The following PPAT variants were observed in gnomAD, a reference collection of about 807,000 sequenced individuals.
The protein encoded by PPAT is amidophosphoribosyltransferase.
PPAT carries 20 observed loss-of-function variants against 60.2 expected under a neutral mutation model. The ratio of observed to expected loss-of-function variants is 0.33; its 90% CI spans 0.23 to 0.48. PPAT has a LOEUF of 0.48. Among genes scored for constraint, PPAT ranks in the 20% least tolerant of loss-of-function variants. PPAT has a pLI of 0.99. For synonymous variants in PPAT, 194 were observed against 215.1 expected (o/e 0.90, Z 0.86); for missense variants, 349 against 629.6 (o/e 0.55, Z 4.77).
intron 1 of PPAT, among the ~76,000 whole-genome samples, chr4:56,419,231 T>C (rs879915793): frequency 5.3e-5 from 8 of 152,208 alleles, no homozygotes; most frequent in Non-Finnish European, 7.3e-5. Context: ...TCAAAACAAA[T>C]TATCTACAAT....
chr4:56,399,513 C>G (rs1324569201), intron 8 of PPAT, 113 bp from the exon 9 acceptor site: 3 of 901,750 alleles, frequency 3.3e-6, no homozygotes, highest in Non-Finnish European at 4.9e-6. Flanking sequence ...AATAATTTTC[C>G]TTTATTATTT....
At chr4:56,421,326 GTT>G (rs750650026) in intron 1 of PPAT, 1 of 155,024 alleles carries the variant, frequency 6.5e-6, no homozygotes, top group East Asian at 1.9e-4. Context: ...ATGGTGAGTT[GTT>G]TAATTATTTC....
At chr4:56,417,124 C>T (rs1442316734) in intron 1 of PPAT, among the ~76,000 whole-genome samples, 6 of 152,336 alleles carry the variant, frequency 3.9e-5, no homozygotes, top group Middle Eastern at 6.8e-3. Context: ...GCTGGGATTA[C>T]AGGCGTGAGC....
intron 1 of PPAT, among the ~76,000 whole-genome samples, chr4:56,412,355 C>A (rs570103059): frequency 6.6e-6 from 1 of 151,026 alleles, no homozygotes; most frequent in African/African-American, 2.4e-5. Context: ...GTCACCCAAG[C>A]TGAAGTGCAG....
At chr4:56,406,451 T>G (rs772990372) in intron 3 of PPAT, 44 bp downstream of exon 3, 2 of 1,563,354 alleles carry the variant, frequency 1.3e-6, no homozygotes, top group Non-Finnish European at 1.8e-6. Flanking sequence ...TAACCCATCC[T>G]AATCATTTAA....
chr4:56,405,681 G>A (rs570471564), intron 3 of PPAT, among the ~76,000 whole-genome samples: 2 of 152,338 alleles, frequency 1.3e-5, no homozygotes, highest in South Asian at 4.1e-4. Context: ...GGAGGGTGGT[G>A]CCCCTGGAAA....
At chr4:56,418,218 AC>A (rs1245923283) in intron 1 of PPAT, among the ~76,000 whole-genome samples, 2 of 152,154 alleles carry the variant, frequency 1.3e-5, no homozygotes, top group African/African-American at 4.8e-5. Flanking sequence ...CTGGAGGTTC[AC>A]TTGAACCTGG....
chr4:56,434,004 T>C (rs949129062), intron 1 of PPAT, among the ~76,000 whole-genome samples: 2 of 152,238 alleles, frequency 1.3e-5, no homozygotes, highest in Admixed American at 1.3e-4. Flanking sequence ...TTTCTAAGAA[T>C]GTTACAAACT....
chr4:56,397,343 T>C (rs1399702484), intron 9 of PPAT, among the ~76,000 whole-genome samples: 3 of 152,234 alleles, frequency 2.0e-5, no homozygotes, highest in East Asian at 1.9e-4. Context: ...GATGAAATTA[T>C]GTTAAACTCT....
intron 1 of PPAT, chr4:56,408,447 A>T (rs1257506144): frequency 1.3e-5 from 2 of 150,806 alleles, no homozygotes; most frequent in Admixed American, 6.6e-5. Context: ...AAAAAAAAAA[A>T]AAAAAAGACA....
At chr4:56,416,210 T>C (rs1716735328) in intron 1 of PPAT, 1 of 152,428 alleles carries the variant, frequency 6.6e-6, no homozygotes, top group African/African-American at 2.4e-5. Flanking sequence ...TCTTTAAATA[T>C]ACAAATATTT....
chr4:56,419,087 G>A (rs75917062), intron 1 of PPAT, among the ~76,000 whole-genome samples: 4,049 of 152,276 alleles, frequency 0.027, 195 homozygotes, highest in African/African-American at 0.092. Context: ...TAGATTCACA[G>A]TCTGGGGATG....
intron 1 of PPAT, among the ~76,000 whole-genome samples, chr4:56,433,905 T>C (rs954650959): frequency 6.6e-6 from 1 of 152,188 alleles, no homozygotes; most frequent in Non-Finnish European, 1.5e-5. Context: ...TTGGCCAGGA[T>C]GGTCTCGATC....
At chr4:56,412,574 G>A (rs1226416361) in intron 1 of PPAT, among the ~76,000 whole-genome samples, 4 of 152,092 alleles carry the variant, frequency 2.6e-5, no homozygotes, top group South Asian at 2.1e-4. Flanking sequence ...AGTGAGGCAC[G>A]ATCCACCACA....
chr4:56,410,756 G>C (rs1716411407), intron 1 of PPAT: 1 of 987,038 alleles, frequency 1.0e-6, no homozygotes, highest in Non-Finnish European at 1.2e-6. Flanking sequence ...TAACTCTGGA[G>C]ACAGCTCTAA....
At chr4:56,421,813 C>G (rs555631105) in intron 1 of PPAT, 9 of 148,946 alleles carry the variant, frequency 6.0e-5, no homozygotes, top group African/African-American at 2.2e-4. Flanking sequence ...GCTGGAGATG[C>G]AGCTAAAGAT....
At chr4:56,419,432 T>A (rs904253693) in intron 1 of PPAT, among the ~76,000 whole-genome samples, 1 of 152,172 alleles carries the variant, frequency 6.6e-6, no homozygotes, top group Non-Finnish European at 1.5e-5. Flanking sequence ...GTAACCGGCA[T>A]AATAATGGAC....
intron 1 of PPAT, among the ~76,000 whole-genome samples, chr4:56,412,801 C>T (rs1364534868): frequency 2.6e-5 from 4 of 152,120 alleles, no homozygotes; most frequent in African/African-American, 9.7e-5. Context: ...ATTAATGTAA[C>T]CTCTTTACCG....
intron 9 of PPAT, among the ~76,000 whole-genome samples, chr4:56,397,442 C>G (rs1291597945): frequency 3.3e-5 from 5 of 152,262 alleles, no homozygotes; most frequent in Admixed American, 6.5e-5. Flanking sequence ...AAATCATAAT[C>G]CCAATTATCT....
Sources: allele counts gnomAD v4.1 joint callset (sites outside exome capture counted in the v4.1 genomes callset), GRCh38; gene constraint gnomAD v4.1.1; transcripts MANE v1.5; gene names NCBI Gene and HGNC (gene_info 2026-07-23, HGNC 2026-07-21).